The following THADA variants were observed in gnomAD, a reference collection of about 807,000 sequenced individuals.
THADA encodes the protein tRNA (32-2'-O)-methyltransferase regulator THADA.
A neutral mutation model predicts 219.8 loss-of-function variants in THADA; 213 were observed. The ratio of observed to expected loss-of-function variants is 0.97; its 90% CI spans 0.87 to 1.09. The LOEUF (loss-of-function observed/expected upper bound fraction) is 1.09. Among genes scored for constraint, THADA ranks in the 50% least tolerant of loss-of-function variants. THADA has a pLI of 0.00. For synonymous variants in THADA, 1,018 were observed against 828.9 expected, an observed-to-expected ratio of 1.23 and a Z score of -3.92; for missense variants, 2,956 against 2,311.3, an observed-to-expected ratio of 1.28 and a Z score of -5.72.
At chr2:43,450,300 A>G (rs1682148500) in intron 26 of THADA, among the ~76,000 whole-genome samples, 1 of 152,202 alleles carries the variant, frequency 6.6e-6, no homozygotes, top group Non-Finnish European at 1.5e-5. Context: ...TAAAACAACT[A>G]CTAATGTTTT....
At chr2:43,544,175 G>A (rs541521986) in intron 20 of THADA, among the ~76,000 whole-genome samples, 2 of 151,982 alleles carry the variant, frequency 1.3e-5, no homozygotes, top group African/African-American at 2.4e-5. Context: ...CAAAGATCAG[G>A]TAGTTGTAGA....
chr2:43,502,599 A>AAAG (rs1553466052), intron 24 of THADA, among the ~76,000 whole-genome samples: 3 of 146,438 alleles, frequency 2.0e-5, no homozygotes, highest in African/African-American at 7.8e-5. Context: ...AAAAAAAAAA[A>AAAG]AAAGAAAGAA....
chr2:43,427,502 T>TG (rs1466181718), intron 28 of THADA, among the ~76,000 whole-genome samples: 8 of 112,332 alleles, frequency 7.1e-5, no homozygotes, highest in Non-Finnish European at 8.8e-5. Flanking sequence ...CCTCCCAAAG[T>TG]TTGTGTGTGT....
intron 34 of THADA, among the ~76,000 whole-genome samples, chr2:43,290,655 C>T (rs1360523953): frequency 6.6e-6 from 1 of 152,142 alleles, no homozygotes; most frequent in Non-Finnish European, 1.5e-5. Flanking sequence ...TCTGTATCTT[C>T]AGTACCTACA....
intron 15 of THADA, chr2:43,562,189 A>G (rs536653980): frequency 5.6e-4 from 86 of 152,222 alleles, no homozygotes; most frequent in African/African-American, 2.0e-3. Flanking sequence ...CATAAAGGAT[A>G]TTGGTCTTTG....
At chr2:43,249,084 A>T (rs954439824) in intron 36 of THADA, among the ~76,000 whole-genome samples, 12 of 151,732 alleles carry the variant, frequency 7.9e-5, no homozygotes, top group African/African-American at 2.9e-4. Flanking sequence ...GAACAATGGT[A>T]GCCTTCCTTT....
chr2:43,468,447 A>T (rs1460372553), intron 26 of THADA, among the ~76,000 whole-genome samples: 1 of 152,238 alleles, frequency 6.6e-6, no homozygotes, highest in Non-Finnish European at 1.5e-5. Context: ...AATAAGCAAC[A>T]AAATTAAATA....
intron 36 of THADA, among the ~76,000 whole-genome samples, chr2:43,264,752 G>A (rs927094978): frequency 6.6e-6 from 1 of 152,190 alleles, no homozygotes; most frequent in Admixed American, 6.5e-5. Flanking sequence ...AAGAGGGCAA[G>A]AGGATAGAGG....
intron 22 of THADA, among the ~76,000 whole-genome samples, chr2:43,514,031 G>C (rs1373660524): frequency 6.6e-6 from 1 of 150,654 alleles, no homozygotes; most frequent in African/African-American, 2.4e-5. Context: ...CTAGACTCCA[G>C]TGTGGATGAC....
chr2:43,233,205 C>A, intron 36 of THADA: 1 of 277,034 alleles, frequency 3.6e-6, no homozygotes, highest in Non-Finnish European at 7.1e-6. Context: ...AGGAAGGCTT[C>A]CCTGTCCAGT....
At chr2:43,435,503 C>A (rs148414555) in intron 26 of THADA, among the ~76,000 whole-genome samples, 1,652 of 151,670 alleles carry the variant, frequency 0.011, 29 homozygotes, top group Non-Finnish European at 0.013. Flanking sequence ...GGAGGGAGGG[C>A]TGAGCAAGGT....
At chr2:43,233,641 C>T (rs1224545588) in intron 36 of THADA, among the ~76,000 whole-genome samples, 1 of 152,020 alleles carries the variant, frequency 6.6e-6, no homozygotes, top group Non-Finnish European at 1.5e-5. Flanking sequence ...GGAGGAAGGG[C>T]ACTGAAAGAA....
chr2:43,390,562 C>G (rs1044633179), intron 29 of THADA, among the ~76,000 whole-genome samples: 2 of 152,172 alleles, frequency 1.3e-5, no homozygotes, highest in African/African-American at 4.8e-5. Context: ...ATTCCTGATT[C>G]CCCTTAGCCT....
At chr2:43,476,416 C>CG (rs1558822492) in intron 26 of THADA, among the ~76,000 whole-genome samples, 1 of 152,134 alleles carries the variant, frequency 6.6e-6, no homozygotes, top group African/African-American at 2.4e-5. Flanking sequence ...GAAGGGAAAT[C>CG]GGAGTCTCTG....
At chr2:43,367,116 G>A (rs868822459) in intron 29 of THADA, among the ~76,000 whole-genome samples, 1 of 152,260 alleles carries the variant, frequency 6.6e-6, no homozygotes, top group African/African-American at 2.4e-5. Flanking sequence ...CCTTATATGA[G>A]GTACCAAAGT....
chr2:43,431,304 A>G (rs1171643234), intron 26 of THADA, among the ~76,000 whole-genome samples: 1 of 152,130 alleles, frequency 6.6e-6, no homozygotes, highest in Non-Finnish European at 1.5e-5. Context: ...CTCGTAATCC[A>G]CACCCCTATC....
intron 29 of THADA, among the ~76,000 whole-genome samples, chr2:43,368,014 A>G (rs1371830467): frequency 1.3e-5 from 2 of 152,164 alleles, no homozygotes; most frequent in Non-Finnish European, 2.9e-5. Context: ...GCTACTTGGG[A>G]GGCTGAGGCA....
At chr2:43,549,182 A>G in intron 20 of THADA, 28 bp downstream of exon 20, 2 of 1,515,662 alleles carry the variant, frequency 1.3e-6, no homozygotes, top group Non-Finnish European at 1.8e-6. Context: ...TTAAACATGA[A>G]TTACAGTATC....
chr2:43,547,115 T>C (rs1696133614), intron 20 of THADA, among the ~76,000 whole-genome samples: 2 of 152,190 alleles, frequency 1.3e-5, no homozygotes, highest in Non-Finnish European at 2.9e-5. Flanking sequence ...GTATTTTATT[T>C]CTCCTTCACT....
Sources: gnomAD v4.1 joint callset for allele counts (sites outside exome capture counted in the v4.1 genomes callset) on GRCh38, gnomAD v4.1.1 for gene constraint, MANE v1.5 for transcripts, NCBI Gene and HGNC (gene_info 2026-07-23, HGNC 2026-07-21) for gene names.